The following SMARCB1 variants were observed in gnomAD, a reference collection of about 807,000 sequenced individuals.
The protein encoded by SMARCB1 is SWI/SNF-related matrix-associated actin-dependent regulator of chromatin subfamily B member 1.
Under a neutral mutation model 49.0 loss-of-function variants are expected in SMARCB1, and 5 were observed. The ratio of observed to expected loss-of-function variants is 0.10; its 90% CI spans 0.05 to 0.21. The LOEUF (loss-of-function observed/expected upper bound fraction) is 0.21, where lower values mean the gene tolerates loss of function less well. Ranked by LOEUF, SMARCB1 falls within the 10% of genes least tolerant of loss-of-function variation. SMARCB1 has a pLI of 1.00. For synonymous variants in SMARCB1, 201 were observed against 200.1 expected (o/e 1.00, Z -0.04); for missense variants, 226 against 509.2 (o/e 0.44, Z 5.35).
At chr22:23,811,365 G>A (rs996194956) in intron 5 of SMARCB1, among the ~76,000 whole-genome samples, 1 of 152,188 alleles carries the variant, frequency 6.6e-6, no homozygotes, top group Non-Finnish European at 1.5e-5. Flanking sequence ...GCAAAACGAT[G>A]TAAGATCAAA....
rs567772705 is a variant in SMARCB1 at position 23,789,924 on chromosome 22, T to C, written c.94-1832T>C. Among the ~76,000 whole-genome samples the C allele has an allele frequency of 3.5e-3, 538 of 152,286 alleles. 1 individual carries two copies. Among genetic ancestry groups the C allele is most frequent in the African/African-American group, 0.012 (512 of 41,556 alleles). ...CCATGCGCCATCTGTGGAGCTGTCT[T>C]GGGAAGGCATCTGCATTTACTAAGA... is the stretch of plus-strand genomic sequence containing the variant. On this transcript the variant is annotated intron_variant, in intron 1 of 8. Transcript: ENST00000644036.
intron 6 of SMARCB1, among the ~76,000 whole-genome samples, chr22:23,820,362 G>A (rs1026966293): frequency 2.6e-5 from 4 of 152,256 alleles, no homozygotes; most frequent in African/African-American, 9.6e-5. Context: ...ATCACCTGAG[G>A]TCGGGAGTTA....
At chr22:23,790,037 T>G (rs1928277885) in intron 1 of SMARCB1, among the ~76,000 whole-genome samples, 1 of 152,168 alleles carries the variant, frequency 6.6e-6, no homozygotes, top group Non-Finnish European at 1.5e-5. Flanking sequence ...GATCCCCAAG[T>G]CCAGCACCTT....
rs372755920 is a variant in SMARCB1 at position 23,837,705 on chromosome 22, C to T, written c.*3525C>T. 19 of 1,613,834 alleles carry T rather than the reference C, an allele frequency of 1.2e-5. No individual in the cohort carries two copies. Among genetic ancestry groups the T allele is most frequent in the African/African-American group, 2.7e-5 (2 of 74,930 alleles). ...AGTTGCCCAGCAGCAGCGAGAAGCC[C>T]ATGAGCGCCCAAGGCAGGAACGGTG... On this transcript the variant is annotated 3_prime_UTR_variant, in exon 9 of 9. Transcript: ENST00000644036.
chr22:23,787,305 CGGGAGCCCCGGGGCGGGCCCAT>C (rs762634624), intron 1 of SMARCB1, 43 bp downstream of exon 1: 16 of 1,253,804 alleles, frequency 1.3e-5, no homozygotes, highest in Admixed American at 3.6e-5. Context: ...CTCGGCCCCG[CGGGAGCCCCGGGGCGGGCCCAT>C]GCGCCGAGAG....
At chr22:23,828,879 C>T (rs2030518879) in intron 7 of SMARCB1, among the ~76,000 whole-genome samples, 1 of 152,182 alleles carries the variant, frequency 6.6e-6, no homozygotes, top group African/African-American at 2.4e-5. Context: ...GGAACCAGGG[C>T]AGAGAACAGC....
At chr22:23,795,772 CAT>C (rs113737644) in intron 3 of SMARCB1, among the ~76,000 whole-genome samples, 4,449 of 149,928 alleles carry the variant, frequency 0.03, 135 homozygotes, top group South Asian at 0.1. Flanking sequence ...GAACTGCACT[CAT>C]GTGTGCTGGA....
In SMARCB1 at chr22:23,819,991, G is replaced by A. The variant is rs111957042; in HGVS notation, c.795+3055G>A. ...ACTACAGGCGCATGCCACCACGCCC[G>A]GCTAAATTTTGTACTTTTAGTAGAG... On this transcript the variant is annotated intron_variant, in intron 6 of 8. Coordinates refer to ENST00000644036, the MANE Select transcript of SMARCB1 (RefSeq NM_003073.5). Among the ~76,000 whole-genome samples, 250 of 151,938 alleles carry A rather than the reference G, an allele frequency of 1.6e-3. 1 individual carries two copies. The highest frequency in any genetic ancestry group is 5.8e-3 in the African/African-American group (240 of 41,462).
At position 23,837,505 on chromosome 22, in the gene SMARCB1, TA is replaced by T; in HGVS notation, c.*3327del. ...GTGGGCCGGCTGGCTTGAGGGGCTG[TA>T]AGAGCACAGCAGCTGGGAGGGCAGG... is the stretch of plus-strand genomic sequence containing the variant. On this transcript the variant is annotated 3_prime_UTR_variant, in exon 9 of 9. Coordinates refer to ENST00000644036, the MANE Select transcript of SMARCB1 (RefSeq NM_003073.5). 1.2e-6 allele frequency: 1 copy of T among 824,528 alleles called. No homozygotes were observed. Among genetic ancestry groups the T allele is most frequent in the African/African-American group, 1.7e-5 (1 of 57,880 alleles). 51.1% of individuals were successfully genotyped at this position (824,528 alleles called of 1,614,324 possible). A position where few individuals can be genotyped will look rare whatever the true frequency, so the allele number is the denominator to read the frequency against.
chr22:23,792,468 C>T, intron 2 of SMARCB1: 1 of 212,472 alleles, frequency 4.7e-6, no homozygotes, highest in South Asian at 8.1e-5. Context: ...TGAAAGGGTG[C>T]TCTTCAGACA....
At chr22:23,812,669 A>G (rs1379721783) in intron 5 of SMARCB1, among the ~76,000 whole-genome samples, 12 of 152,176 alleles carry the variant, frequency 7.9e-5, no homozygotes, top group Admixed American at 6.5e-4. Context: ...GGCTGGGTCA[A>G]TATTTGAAGC....
chr22:23,811,036 C>CA (rs56238275), intron 5 of SMARCB1, among the ~76,000 whole-genome samples: 15,471 of 131,166 alleles, frequency 0.12, 919 homozygotes, highest in South Asian at 0.16. Context: ...GACTGTGTCT[C>CA]AAAAAAAAAA....
intron 3 of SMARCB1, among the ~76,000 whole-genome samples, chr22:23,799,758 C>A (rs538008625): frequency 4.2e-5 from 6 of 143,318 alleles, no homozygotes; most frequent in Non-Finnish European, 7.4e-5. Context: ...AATGTTGGCT[C>A]ACTGCAAGCT....
intron 5 of SMARCB1, among the ~76,000 whole-genome samples, chr22:23,807,746 AC>A (rs934618379): frequency 4.6e-5 from 7 of 151,840 alleles, no homozygotes; most frequent in African/African-American, 1.4e-4. Flanking sequence ...AAAAAGGACA[AC>A]TTACCTGTAG....
At chr22:23,799,032 A>G (rs1168607334) in intron 3 of SMARCB1, among the ~76,000 whole-genome samples, 2 of 150,584 alleles carry the variant, frequency 1.3e-5, no homozygotes, top group Non-Finnish European at 3.0e-5. Context: ...CCCAGGCGAC[A>G]GAGCGAGACT....
At chr22:23,820,685 T>C (rs1308996969) in intron 6 of SMARCB1, among the ~76,000 whole-genome samples, 1 of 145,682 alleles carries the variant, frequency 6.9e-6, no homozygotes, top group Non-Finnish European at 1.5e-5. Context: ...TAATACCTTT[T>C]TGAGAGGAAT....
intron 5 of SMARCB1, among the ~76,000 whole-genome samples, chr22:23,806,711 C>T (rs777229506): frequency 5.3e-5 from 8 of 152,016 alleles, no homozygotes; most frequent in Non-Finnish European, 1.0e-4. Flanking sequence ...CACTTGAGGC[C>T]AGGAGTTTGA....
chr22:23,791,773 T>G lies in SMARCB1; in HGVS notation c.111T>G (p.Arg37=), dbSNP rs939582770. ...ACTCATAGGTGGGAAACTACCTCCG[T>G]ATGTTCCGAGGTTCTCTGTACAAGA... ...MIGSEVGNYL[R]MFRGSLYKRY... Residue 37 remains arginine (R), a synonymous_variant, in exon 2 of 9, where the codon CGT becomes CGG. Coordinates refer to ENST00000644036, the MANE Select transcript of SMARCB1 (RefSeq NM_003073.5). 3.7e-6 allele frequency: 6 copies of G among 1,613,856 alleles called. No homozygotes were observed. The highest frequency in any genetic ancestry group is 5.1e-6 in the Non-Finnish European group (6 of 1,179,862).
At chr22:23,803,461 C>G (rs770614491) in intron 5 of SMARCB1, 39 bp downstream of exon 5, 1 of 1,612,098 alleles carries the variant, frequency 6.2e-7, no homozygotes, top group African/African-American at 1.3e-5. Context: ...TGGCCCCAAC[C>G]CCTGTGTGTT....
Sources: gnomAD v4.1 joint callset for allele counts (sites outside exome capture counted in the v4.1 genomes callset) on GRCh38, gnomAD v4.1.1 for gene constraint, MANE v1.5 for transcripts, NCBI Gene and HGNC (gene_info 2026-07-23, HGNC 2026-07-21) for gene names.